Variants in MBNL2 observed in about 807,000 individuals in gnomAD.
MBNL2 encodes muscleblind-like protein 2.
In MBNL2, 17 loss-of-function variants were observed where a neutral mutation model predicts 41.9. The observed-to-expected ratio is 0.41, with a 90% CI of 0.28 to 0.61. MBNL2 has a LOEUF of 0.61. Ranked by LOEUF, MBNL2 falls within the 20% of genes least tolerant of loss-of-function variation. The pLI is 0.35. For missense variants in MBNL2, 336 were observed against 505.6 expected, an observed-to-expected ratio of 0.66 and a Z score of 3.22; for synonymous variants, 195 against 182.9, an observed-to-expected ratio of 1.07 and a Z score of -0.53.
the MBNL2 span, among the ~76,000 whole-genome samples, chr13:97,203,948 G>T: frequency 1.5e-3 from 230 of 152,168 alleles, 2 homozygotes; most frequent in African/African-American, 5.4e-3. Flanking sequence ...ACAGACGGAT[G>T]GATGGACAGA....
intron 1 of MBNL2, among the ~76,000 whole-genome samples, chr13:97,256,394 G>A (rs1356402153): frequency 6.6e-6 from 1 of 151,892 alleles, no homozygotes; most frequent in African/African-American, 2.4e-5. Context: ...GTGAAGCTGG[G>A]TGGAACCTTG....
the MBNL2 span, among the ~76,000 whole-genome samples, chr13:97,156,536 G>A: frequency 3.6e-3 from 494 of 135,922 alleles, 1 homozygote; most frequent in Non-Finnish European, 3.7e-3. Context: ...TAGGTCTAAC[G>A]TTTAAGTCTT....
At chr13:97,314,509 T>A (rs1028328486) in intron 2 of MBNL2, among the ~76,000 whole-genome samples, 3 of 152,220 alleles carry the variant, frequency 2.0e-5, no homozygotes, top group African/African-American at 7.2e-5. Flanking sequence ...GCTCATTGTC[T>A]TGTCTCTAGT....
intron 1 of MBNL2, among the ~76,000 whole-genome samples, chr13:97,267,396 C>G (rs73555791): frequency 0.039 from 6,003 of 152,274 alleles, 394 homozygotes; most frequent in African/African-American, 0.13. Context: ...TTATTTTGTA[C>G]AGTTGAACGG....
the MBNL2 span, among the ~76,000 whole-genome samples, chr13:97,203,883 TGGA>T: frequency 1.5e-4 from 23 of 149,298 alleles, no homozygotes; most frequent in African/African-American, 5.6e-4. Flanking sequence ...AATGGATGGA[TGGA>T]TGGATGGATG....
the MBNL2 span, among the ~76,000 whole-genome samples, chr13:97,175,162 C>A: frequency 6.6e-6 from 1 of 152,160 alleles, no homozygotes; most frequent in Non-Finnish European, 1.5e-5. Context: ...GACTTCCCAA[C>A]AGCCTGGCCA....
Position 97,268,097 on chromosome 13 carries a change from C to T in MBNL2, c.-604-7535C>T, listed in dbSNP as rs373633751. 6.7e-6 allele frequency among the ~76,000 whole-genome samples: 1 copy of T among 149,302 alleles called. No homozygotes were observed. Among genetic ancestry groups the T allele is most frequent in the African/African-American group, 2.5e-5 (1 of 39,228 alleles). The stretch of plus-strand genomic sequence containing the variant: ...CTTTCCTTCCTTCCTTCCTTCCTTC[C>T]TTCCTTTCTTTCTTTTGAGACAGCG... On this transcript the variant is annotated intron_variant, in intron 1 of 8. Coordinates refer to ENST00000679496, the MANE Select transcript of MBNL2 (RefSeq NM_001382683.1). This position sits in a 1 kb window ranked among gnomAD's most constrained non-coding sequence, Gnocchi z 4.6.
At chr13:97,250,675 T>G (rs2046340512) in intron 1 of MBNL2, among the ~76,000 whole-genome samples, 1 of 152,208 alleles carries the variant, frequency 6.6e-6, no homozygotes, top group South Asian at 2.1e-4. Context: ...TCAATGATCT[T>G]GAAAGAAAAG....
intron 2 of MBNL2, among the ~76,000 whole-genome samples, chr13:97,317,519 G>A (rs1377550283): frequency 1.3e-5 from 2 of 152,192 alleles, no homozygotes; most frequent in African/African-American, 4.8e-5. Flanking sequence ...GCATTGATAT[G>A]TGCCTAAAGT....
chr13:97,352,996 C>A (rs959551598), intron 5 of MBNL2, among the ~76,000 whole-genome samples: 5 of 152,186 alleles, frequency 3.3e-5, no homozygotes, highest in African/African-American at 1.2e-4. Context: ...ACAAACAGGT[C>A]ATTTCCCTGC....
chr13:97,264,997 A>G (rs573410472), intron 1 of MBNL2, among the ~76,000 whole-genome samples: 5 of 152,396 alleles, frequency 3.3e-5, no homozygotes, highest in Admixed American at 2.0e-4. Flanking sequence ...TAATAAGAGC[A>G]TCTCCTAACT....
At chr13:97,349,088 C>T (rs1566433730) in intron 5 of MBNL2, among the ~76,000 whole-genome samples, 1 of 152,150 alleles carries the variant, frequency 6.6e-6, no homozygotes, top group African/African-American at 2.4e-5. Context: ...TTTCTTGTCC[C>T]TTTAGTGTCC....
intron 1 of MBNL2, among the ~76,000 whole-genome samples, chr13:97,267,073 G>A (rs2049971625): frequency 6.6e-6 from 1 of 152,196 alleles, no homozygotes; most frequent in African/African-American, 2.4e-5. Context: ...CATTGGACAT[G>A]ACTGATGTTT....
the MBNL2 span, among the ~76,000 whole-genome samples, chr13:97,208,814 C>T: frequency 6.6e-6 from 1 of 152,168 alleles, no homozygotes; most frequent in Non-Finnish European, 1.5e-5. Flanking sequence ...TACTATACAA[C>T]TCCAGCGGTA....
At chr13:97,255,829 TCA>T (rs1210903368) in intron 1 of MBNL2, among the ~76,000 whole-genome samples, 2 of 152,194 alleles carry the variant, frequency 1.3e-5, no homozygotes, top group African/African-American at 4.8e-5. Flanking sequence ...GCACATCCAC[TCA>T]CTCTTGGTAA....
At chr13:97,315,477 T>C (rs1188333740) in intron 2 of MBNL2, among the ~76,000 whole-genome samples, 2 of 152,188 alleles carry the variant, frequency 1.3e-5, no homozygotes, top group African/African-American at 4.8e-5. Context: ...ACATCAATAC[T>C]GATATTGATA....
At chr13:97,182,776 G>T in the MBNL2 span, among the ~76,000 whole-genome samples, 1 of 152,174 alleles carries the variant, frequency 6.6e-6, no homozygotes, top group Admixed American at 6.5e-5. Context: ...GTTGGTGGTG[G>T]TTGTTATTGC....
intron 3 of MBNL2, among the ~76,000 whole-genome samples, chr13:97,339,752 A>C (rs974174487): frequency 6.6e-6 from 1 of 151,512 alleles, no homozygotes; most frequent in African/African-American, 2.4e-5. Context: ...CAGGCCCCAC[A>C]CCTCACACCT....
intron 1 of MBNL2, among the ~76,000 whole-genome samples, chr13:97,258,758 T>C (rs1181616826): frequency 1.3e-5 from 2 of 152,128 alleles, no homozygotes; most frequent in African/African-American, 4.8e-5. Context: ...TGGAAAGAGT[T>C]TGGACAACTG....
Sources: allele counts gnomAD v4.1 joint callset (sites outside exome capture counted in the v4.1 genomes callset), GRCh38; gene constraint gnomAD v4.1.1; non-coding constraint Gnocchi (gnomAD v3.1); transcripts MANE v1.5; gene names NCBI Gene and HGNC (gene_info 2026-07-23, HGNC 2026-07-21).